The following NCOA6 variants were observed in gnomAD, a reference collection of about 807,000 sequenced individuals.
The protein encoded by NCOA6 is NRC RAP250.
NCOA6 carries 49 observed loss-of-function variants against 171.4 expected under a neutral mutation model. That is an observed-to-expected ratio of 0.29 (90% CI 0.23 to 0.36). The LOEUF is 0.36. NCOA6 is among the 10% of genes least tolerant of loss of function. The pLI is 1.00. For missense variants in NCOA6, 2,248 were observed against 2,554.5 expected, an observed-to-expected ratio of 0.88 and a Z score of 2.59; for synonymous variants, 910 against 927.5, an observed-to-expected ratio of 0.98 and a Z score of 0.34.
At chr20:34,731,702 G>GTTC (rs1251711498) in intron 13 of NCOA6, among the ~76,000 whole-genome samples, 1 of 152,150 alleles carries the variant, frequency 6.6e-6, no homozygotes, top group African/African-American at 2.4e-5. Context: ...ATTATGAGAA[G>GTTC]TTCTTTAAAA....
chr20:34,814,709 A>G (rs1436498736), intron 1 of NCOA6, among the ~76,000 whole-genome samples: 1 of 152,128 alleles, frequency 6.6e-6, no homozygotes, highest in Non-Finnish European at 1.5e-5. Context: ...TTCCTGCCTG[A>G]GCCTCCCAAG....
chr20:34,787,969 C>T (rs548600026), intron 2 of NCOA6, among the ~76,000 whole-genome samples: 2 of 151,416 alleles, frequency 1.3e-5, no homozygotes, highest in South Asian at 4.2e-4. Flanking sequence ...CAGGTTCAAG[C>T]AATTTTCCTG....
At chr20:34,774,174 A>C (rs1411684000) in intron 4 of NCOA6, among the ~76,000 whole-genome samples, 1 of 152,234 alleles carries the variant, frequency 6.6e-6, no homozygotes, top group Non-Finnish European at 1.5e-5. Flanking sequence ...CTATCAATTA[A>C]GGTTTTGAAG....
At chr20:34,791,549 C>A (rs1392608647) in intron 2 of NCOA6, among the ~76,000 whole-genome samples, 1 of 152,096 alleles carries the variant, frequency 6.6e-6, no homozygotes, top group African/African-American at 2.4e-5. Context: ...AAATGACGGC[C>A]TTCTGCTCCT....
intron 1 of NCOA6, among the ~76,000 whole-genome samples, chr20:34,793,187 T>C (rs2077951679): frequency 6.6e-6 from 1 of 152,202 alleles, no homozygotes; most frequent in Non-Finnish European, 1.5e-5. Context: ...ACTGTCACTT[T>C]AAGCCTTAGA....
intron 14 of NCOA6, among the ~76,000 whole-genome samples, chr20:34,724,577 T>A (rs1361261760): frequency 6.6e-6 from 1 of 152,142 alleles, no homozygotes; most frequent in Non-Finnish European, 1.5e-5. Flanking sequence ...CTCAGCACAT[T>A]TCCTAAGAGA....
chr20:34,789,287 T>A (rs976375501), intron 2 of NCOA6, among the ~76,000 whole-genome samples: 4 of 152,204 alleles, frequency 2.6e-5, no homozygotes, highest in Non-Finnish European at 5.9e-5. Flanking sequence ...TCTTTCTTAC[T>A]CATCTAACAA....
chr20:34,732,556 T>C lies in NCOA6; in HGVS notation c.5999+3A>G, dbSNP rs1338446638. On this transcript the variant is annotated splice_donor_region_variant and intron_variant, in intron 13 of 14. Transcript: ENST00000359003. ...GCTACGTCTGCAGAAATGATCATCTTACCTTTGTCCAGAGACTATGGCAGC... is the reference window on the plus strand; with the variant it reads ...GCTACGTCTGCAGAAATGATCATCTCACCTTTGTCCAGAGACTATGGCAGC... The C allele has an allele frequency of 6.2e-7, 1 of 1,613,514 alleles. No homozygotes were observed. The highest frequency in any genetic ancestry group is 2.2e-5 in the East Asian group (1 of 44,870).
At position 34,743,313 on chromosome 20, in the gene NCOA6, C is replaced by T. The variant is rs146570094; in HGVS notation, c.2943G>A (p.Arg981=). 1.9e-6 allele frequency: 3 copies of T among 1,610,842 alleles called. No individual in the cohort carries two copies. Among genetic ancestry groups the T allele is most frequent in the African/African-American group, 2.7e-5 (2 of 74,800 alleles). ...PGYPSQPVEQ[R]PLQQMPPQLM... is the part of the protein sequence containing the mutation. ...GTTGAGGAGGCATCTGCTGAAGTGG[C>T]CTCTGTTCAACTGGTTGAGAAGGAT... The change falls in exon 11 of 15, where the codon AGG becomes AGA. Residue 981 remains arginine (R), a synonymous_variant. Coordinates refer to ENST00000359003, the MANE Select transcript of NCOA6 (RefSeq NM_014071.5).
At chr20:34,731,277 C>T (rs1182355604) in intron 13 of NCOA6, among the ~76,000 whole-genome samples, 2 of 152,196 alleles carry the variant, frequency 1.3e-5, no homozygotes, top group Non-Finnish European at 2.9e-5. Flanking sequence ...GCCTCGGCCT[C>T]CCAAAGTGCT....
intron 2 of NCOA6, among the ~76,000 whole-genome samples, chr20:34,787,079 A>G (rs896005686): frequency 1.3e-5 from 2 of 151,812 alleles, no homozygotes; most frequent in Non-Finnish European, 2.9e-5. Flanking sequence ...CATCTGACAA[A>G]GGTCTAATAT....
chr20:34,748,681 T>G lies in NCOA6; in HGVS notation c.2792+722A>C, dbSNP rs761397577. Among the ~76,000 whole-genome samples, 37 of 152,228 alleles carry G rather than the reference T, an allele frequency of 2.4e-4. 1 individual carries two copies. Among genetic ancestry groups the G allele is most frequent in the Admixed American group, 1.9e-3 (29 of 15,286 alleles). On this transcript the variant is annotated intron_variant, in intron 9 of 14. Transcript: ENST00000359003. ...TTGTTAATTGCCTTTCCTGCTATGATCTTGCAAAATAACTCACCTGGAGAA... is the reference window on the plus strand; with the variant it reads ...TTGTTAATTGCCTTTCCTGCTATGAGCTTGCAAAATAACTCACCTGGAGAA...
chr20:34,738,440 G>C (rs2076023152), intron 11 of NCOA6, among the ~76,000 whole-genome samples: 2 of 152,186 alleles, frequency 1.3e-5, no homozygotes, highest in African/African-American at 4.8e-5. Flanking sequence ...GAAAGAAGGA[G>C]AAATGGAAAT....
intron 6 of NCOA6, 147 bp from the exon 7 acceptor site, chr20:34,758,251 A>C: frequency 9.3e-7 from 1 of 1,078,038 alleles, no homozygotes; most frequent in Non-Finnish European, 1.3e-6. Flanking sequence ...CTATGTATGA[A>C]GCAACATACC....
Position 34,714,985 on chromosome 20 carries a change from C to T in NCOA6, c.*337G>A. 1 of 196,938 alleles carries T rather than the reference C, an allele frequency of 5.1e-6. No individual in the cohort carries two copies. 12.2% of individuals were successfully genotyped at this position (196,938 alleles called of 1,614,324 possible). ...TACTGCTATTCACACACAGTACTTCCACGGCACAATACATCATTAGGAGAT... is the reference window on the plus strand; with the variant it reads ...TACTGCTATTCACACACAGTACTTCTACGGCACAATACATCATTAGGAGAT... On this transcript the variant is annotated 3_prime_UTR_variant, in exon 15 of 15. Coordinates refer to ENST00000359003, the MANE Select transcript of NCOA6 (RefSeq NM_014071.5).
Position 34,741,073 on chromosome 20 carries a change from G to C in NCOA6, c.5183C>G (p.Thr1728Arg). ...LSSSPAPNIQ[T>R]GRPLVLSSRA... ...TGAGCTAAGGACCAAAGGTCGACCT[G>C]TCTGGATGTTTGGAGCAGGACTACT... Residue 1728 changes from threonine to arginine, a missense_variant, in exon 11 of 15, where the codon ACA (threonine) becomes AGA (arginine). By Grantham distance (71) the Thr-to-Arg change is moderately conservative. Transcript: ENST00000359003. The C allele has an allele frequency of 6.2e-7, 1 of 1,614,262 alleles. No individual in the cohort carries two copies. The highest frequency in any genetic ancestry group is 1.1e-5 in the South Asian group (1 of 91,088).
chr20:34,790,330 C>G (rs1210067546), intron 2 of NCOA6, among the ~76,000 whole-genome samples: 1 of 151,794 alleles, frequency 6.6e-6, no homozygotes, highest in Admixed American at 6.6e-5. Context: ...TTGCATAACT[C>G]CATTTATTTA....
intron 10 of NCOA6, among the ~76,000 whole-genome samples, chr20:34,746,316 T>C: frequency 6.6e-6 from 1 of 151,338 alleles, no homozygotes. Flanking sequence ...CATGGCTCAC[T>C]GCAACTTCGA....
intron 5 of NCOA6, among the ~76,000 whole-genome samples, chr20:34,764,338 T>C (rs892756650): frequency 6.6e-6 from 1 of 152,112 alleles, no homozygotes; most frequent in African/African-American, 2.4e-5. Context: ...CTGCTCACCT[T>C]GGCCTCCCAA....
Sources: allele counts gnomAD v4.1 joint callset (sites outside exome capture counted in the v4.1 genomes callset), GRCh38; gene constraint gnomAD v4.1.1; transcripts MANE v1.5; gene names NCBI Gene and HGNC (gene_info 2026-07-23, HGNC 2026-07-21).